Variants in PCNX2 observed in about 807,000 individuals in gnomAD.
PCNX2 encodes pecanex-like protein 2.
Under a neutral mutation model 223.8 loss-of-function variants are expected in PCNX2, and 168 were observed. That is an observed-to-expected ratio of 0.75 (90% CI 0.66 to 0.85). The LOEUF (loss-of-function observed/expected upper bound fraction) is 0.85. PCNX2 is among the 40% of genes least tolerant of loss of function. PCNX2 has a pLI of 0.00. For missense variants in PCNX2, 2,507 were observed against 2,675.5 expected, an observed-to-expected ratio of 0.94 and a Z score of 1.39; for synonymous variants, 1,006 against 1,052.6, an observed-to-expected ratio of 0.96 and a Z score of 0.86.
In PCNX2 at chr1:232,986,475, G is replaced by C. The variant is rs1669489183; in HGVS notation, c.5857C>G (p.Leu1953Val). 6.3e-7 allele frequency: 1 copy of C among 1,598,806 alleles called. No individual in the cohort carries two copies. Among genetic ancestry groups the C allele is most frequent in the South Asian group, 1.1e-5 (1 of 89,092 alleles). Reference sequence around the variant, plus strand: ...TCTAAGATGGGGCCAGATGAGCTCAGCATGGGCGGCCTTTGGCTTAGCGCT... The same window carrying C: ...TCTAAGATGGGGCCAGATGAGCTCACCATGGGCGGCCTTTGGCTTAGCGCT... ...HSALSQRPPM[L>V]SSSGPILESR... The change falls in exon 33 of 34, where the codon CTG becomes GTG. Residue 1953 changes from leucine to valine, a missense_variant. By Grantham distance (32) the Leu-to-Val change is conservative. Coordinates refer to ENST00000258229, the MANE Select transcript of PCNX2 (RefSeq NM_014801.4).
intron 1 of PCNX2, among the ~76,000 whole-genome samples, chr1:233,276,137 C>T (rs1660900813): frequency 6.6e-6 from 1 of 152,170 alleles, no homozygotes; most frequent in South Asian, 2.1e-4. Context: ...ATTATCCACT[C>T]TTGAAAAGGA....
intron 15 of PCNX2, among the ~76,000 whole-genome samples, chr1:233,191,874 T>C (rs1044889873): frequency 6.6e-6 from 1 of 152,168 alleles, no homozygotes; most frequent in African/African-American, 2.4e-5. Flanking sequence ...TTCATTCAGG[T>C]CATGGATGTA....
At chr1:233,033,754 G>A (rs997228755) in intron 25 of PCNX2, among the ~76,000 whole-genome samples, 1 of 152,230 alleles carries the variant, frequency 6.6e-6, no homozygotes, top group Non-Finnish European at 1.5e-5. Flanking sequence ...GGGCTCTCCA[G>A]AGGCCTTGCA....
chr1:232,998,836 G>GT lies in PCNX2; in HGVS notation c.5603+268_5603+269insA, dbSNP rs1669967300. Among the ~76,000 whole-genome samples, 6 of 152,340 alleles carry GT rather than the reference G, an allele frequency of 3.9e-5. No individual in the cohort carries two copies. The South Asian group carries it at 1.2e-3, about 32-fold the overall frequency. ...CAGATGTGGAATGGTTACTGCTAAA[G>GT]ACTCATAACCTTGGCAGCTCTGCAA... is the stretch of plus-strand genomic sequence containing the variant. On this transcript the variant is annotated intron_variant, in intron 31 of 33. Coordinates refer to ENST00000258229, the MANE Select transcript of PCNX2 (RefSeq NM_014801.4).
At chr1:233,239,933 CTTAA>C (rs1558381141) in intron 8 of PCNX2, among the ~76,000 whole-genome samples, 2 of 152,200 alleles carry the variant, frequency 1.3e-5, no homozygotes, top group Non-Finnish European at 2.9e-5. Flanking sequence ...TAACTTCCCT[CTTAA>C]TTAACCTCTT....
intron 21 of PCNX2, among the ~76,000 whole-genome samples, chr1:233,116,698 G>C (rs1286761459): frequency 6.6e-6 from 1 of 152,032 alleles, no homozygotes; most frequent in Non-Finnish European, 1.5e-5. Flanking sequence ...CATTAGAAAA[G>C]AGGAAAAGTC....
At chr1:233,235,957 A>AATATATATATATATATATATATATATAT (rs1553319644) in intron 9 of PCNX2, among the ~76,000 whole-genome samples, 2 of 93,114 alleles carry the variant, frequency 2.1e-5, no homozygotes, top group African/African-American at 7.8e-5. Flanking sequence ...CATAAAAAAA[A>AATATATATATATATATATATATATATAT]ATATATATAT....
rs903512270 is a variant in PCNX2, at chr1:232,991,869, G to A, written c.5792-5329C>T. Among the ~76,000 whole-genome samples, 1 of 152,140 alleles carries A rather than the reference G, an allele frequency of 6.6e-6. No individual in the cohort carries two copies. Among genetic ancestry groups the A allele is most frequent in the Non-Finnish European group, 1.5e-5 (1 of 68,032 alleles). On this transcript the variant is annotated intron_variant, in intron 32 of 33. Coordinates refer to ENST00000258229, the MANE Select transcript of PCNX2 (RefSeq NM_014801.4). The surrounding 1 kb of genome is among the most constrained non-coding windows in gnomAD (Gnocchi z 4.3). ...AACTGGCAGACAGTAGGTTCATGCT[G>A]TTTAAGCCACCTGAGCCATGGTACT...
intron 12 of PCNX2, among the ~76,000 whole-genome samples, chr1:233,215,022 T>C (rs781749792): frequency 4.3e-4 from 66 of 152,344 alleles, no homozygotes; most frequent in African/African-American, 1.5e-3. Context: ...GCTGAATTTA[T>C]TAACAGCTAC....
chr1:233,259,093 G>T lies in PCNX2; in HGVS notation c.769C>A (p.Pro257Thr), dbSNP rs749306579. The T allele has an allele frequency of 3.4e-5, 55 of 1,613,864 alleles. No individual in the cohort carries two copies. The highest frequency in any genetic ancestry group is 8.5e-7 in the Non-Finnish European group (1 of 1,179,892). The change falls in exon 5 of 34, where the codon CCC becomes ACC. Residue 257 changes from proline (P) to threonine (T), a missense_variant. Physicochemically the swap from Pro to Thr is conservative, Grantham distance 38 (BLOSUM62 -1). Around this residue, in one of 3 missense-constraint regions of PCNX2, gnomAD observed 1,031 missense variants for 1,021.7 expected, o/e 1.01. Transcript: ENST00000258229. ...LVDKGPLKKL[P>T]HLSLSQYDLL... is the part of the protein sequence containing the mutation. ...TCATACTGAGACAAAGACAGGTGGG[G>T]CAACTTCTTCAAGGGTCCCTTATCC...
intron 28 of PCNX2, among the ~76,000 whole-genome samples, chr1:233,007,895 T>C (rs1485585506): frequency 6.6e-6 from 1 of 152,068 alleles, no homozygotes. Context: ...GCCAGGCTAG[T>C]CTCGAACTCC....
chr1:233,105,787 CAG>C (rs768828004), intron 21 of PCNX2, among the ~76,000 whole-genome samples: 22 of 152,144 alleles, frequency 1.4e-4, no homozygotes, highest in Non-Finnish European at 2.6e-4. Flanking sequence ...ACACACTAGA[CAG>C]AAAATATTAT....
At chr1:233,195,536 A>C (rs1680677374) in intron 15 of PCNX2, among the ~76,000 whole-genome samples, 1 of 152,246 alleles carries the variant, frequency 6.6e-6, no homozygotes, top group African/African-American at 2.4e-5. Context: ...TAGACATGAC[A>C]ATCTATGGTA....
intron 2 of PCNX2, among the ~76,000 whole-genome samples, 193 bp from the exon 3 acceptor site, chr1:233,262,358 T>A (rs1053400838): frequency 1.6e-4 from 25 of 152,134 alleles, no homozygotes; most frequent in African/African-American, 5.8e-4. Context: ...AGTGGCACGA[T>A]CATGGCTCAC....
At chr1:233,159,742 T>C (rs1678355507) in intron 19 of PCNX2, among the ~76,000 whole-genome samples, 1 of 152,212 alleles carries the variant, frequency 6.6e-6, no homozygotes, top group Non-Finnish European at 1.5e-5. Context: ...TATTACATGA[T>C]CATGGCCAGA....
intron 16 of PCNX2, among the ~76,000 whole-genome samples, chr1:233,178,291 C>T (rs1214890973): frequency 1.3e-5 from 2 of 152,172 alleles, no homozygotes; most frequent in African/African-American, 4.8e-5. Flanking sequence ...TTTTTCATGC[C>T]TTTCACACTA....
At chr1:233,070,603 A>G (rs560166019) in intron 23 of PCNX2, among the ~76,000 whole-genome samples, 1 of 152,290 alleles carries the variant, frequency 6.6e-6, no homozygotes, top group South Asian at 2.1e-4. Flanking sequence ...CATGGGAAAG[A>G]AGAAAAATCA....
At chr1:232,985,803 T>C in intron 33 of PCNX2, 1 of 598,108 alleles carries the variant, frequency 1.7e-6, no homozygotes, top group Non-Finnish European at 3.0e-6. Flanking sequence ...TGCCCCGGTG[T>C]AGGGCAGATG....
At position 233,218,201 on chromosome 1, in the gene PCNX2, C is replaced by T. The variant is rs1249163918; in HGVS notation, c.2505-17G>A. On this transcript the variant is annotated splice_polypyrimidine_tract_variant and intron_variant, in intron 10 of 33. Transcript: ENST00000258229. Reference sequence around the variant, plus strand: ...TCTTCAGTTCTGTGCAAAATATATACATAAAAGCAAAAAAAAAAAAAAAAA... The same window carrying T: ...TCTTCAGTTCTGTGCAAAATATATATATAAAAGCAAAAAAAAAAAAAAAAA... The T allele has an allele frequency of 1.3e-5, 2 of 150,446 alleles. No homozygotes were observed. The highest frequency in any genetic ancestry group is 9.9e-5 in the South Asian group (1 of 10,138). 9.3% of individuals were successfully genotyped at this position (150,446 alleles called of 1,614,324 possible).
Sources: gnomAD v4.1 joint callset for allele counts (sites outside exome capture counted in the v4.1 genomes callset) on GRCh38, gnomAD v4.1.1 for gene constraint, gnomAD v4.1.1 regional missense constraint, Gnocchi (gnomAD v3.1) non-coding constraint, MANE v1.5 for transcripts, NCBI Gene and HGNC (gene_info 2026-07-23, HGNC 2026-07-21) for gene names.